ZBTB38: variants seen among roughly 807,000 people sequenced by gnomAD.
ZBTB38 encodes zinc finger and BTB domain containing 38, also known as zinc finger and BTB domain-containing protein 38.
In ZBTB38, 20 loss-of-function variants were observed where a neutral mutation model predicts 76.8. The observed-to-expected ratio is 0.26, with a 90% CI of 0.18 to 0.38. ZBTB38 has a LOEUF of 0.38. ZBTB38 is among the 10% of genes least tolerant of loss of function. ZBTB38 has a pLI of 1.00. For synonymous variants in ZBTB38, 504 were observed against 544.2 expected (o/e 0.93, Z 1.03); for missense variants, 1,082 against 1,482.3 (o/e 0.73, Z 4.43).
At chr3:141,325,002 A>G (rs1415988687) in intron 1 of ZBTB38, among the ~76,000 whole-genome samples, 3 of 152,270 alleles carry the variant, frequency 2.0e-5, no homozygotes, top group South Asian at 2.1e-4. Flanking sequence ...CTGTAACATT[A>G]ACAGCCGTTT....
chr3:141,344,546 T>G (rs1943287304), intron 1 of ZBTB38, among the ~76,000 whole-genome samples: 1 of 152,172 alleles, frequency 6.6e-6, no homozygotes, highest in African/African-American at 2.4e-5. Flanking sequence ...TTTTTTGTTT[T>G]TATTTTTTGT....
intron 1 of ZBTB38, among the ~76,000 whole-genome samples, chr3:141,352,319 G>T (rs1943540619): frequency 6.6e-6 from 1 of 152,008 alleles, no homozygotes; most frequent in Non-Finnish European, 1.5e-5. Flanking sequence ...TCCTTCTGGG[G>T]TTACACAAAT....
chr3:141,432,363 T>C, intron 5 of ZBTB38: 2 of 842,668 alleles, frequency 2.4e-6, no homozygotes, highest in South Asian at 5.4e-5. Context: ...CTGTTGTTAT[T>C]ATGTACGTTA....
intron 5 of ZBTB38, among the ~76,000 whole-genome samples, chr3:141,407,296 C>T (rs1954883821): frequency 6.6e-6 from 1 of 152,198 alleles, no homozygotes; most frequent in African/African-American, 2.4e-5. Flanking sequence ...AATCTAGTTT[C>T]ACAACCTAGC....
At chr3:141,332,353 C>T (rs1942880598) in intron 1 of ZBTB38, among the ~76,000 whole-genome samples, 1 of 152,168 alleles carries the variant, frequency 6.6e-6, no homozygotes, top group Non-Finnish European at 1.5e-5. Flanking sequence ...CTTGTCTACA[C>T]ACCCCTTCTC....
intron 1 of ZBTB38, among the ~76,000 whole-genome samples, chr3:141,329,532 C>A (rs934997525): frequency 1.3e-5 from 2 of 152,110 alleles, no homozygotes; most frequent in East Asian, 3.8e-4. Flanking sequence ...TTAATTTTAA[C>A]AATCAACGTA....
chr3:141,388,656 A>G (rs1947873701), intron 4 of ZBTB38: 1 of 152,256 alleles, frequency 6.6e-6, no homozygotes, highest in South Asian at 2.1e-4. Context: ...TAAACATGTA[A>G]TAACAGATAT....
intron 5 of ZBTB38, among the ~76,000 whole-genome samples, chr3:141,440,605 G>C (rs1045372803): frequency 3.9e-5 from 6 of 152,218 alleles, no homozygotes; most frequent in Non-Finnish European, 7.3e-5. Flanking sequence ...GAGACTGGAT[G>C]AATCTCTGGT....
intron 4 of ZBTB38, among the ~76,000 whole-genome samples, chr3:141,400,700 G>A (rs779788049): frequency 7.2e-5 from 11 of 152,188 alleles, no homozygotes; most frequent in Non-Finnish European, 1.6e-4. Context: ...CAATCATAGC[G>A]TGCTTACATA....
chr3:141,434,474 A>G (rs2078297270), intron 5 of ZBTB38, among the ~76,000 whole-genome samples: 1 of 152,100 alleles, frequency 6.6e-6, no homozygotes, highest in Non-Finnish European at 1.5e-5. Context: ...ACCTTAATGC[A>G]TATCTGTGCT....
At chr3:141,437,055 A>G (rs2078976913) in intron 5 of ZBTB38, among the ~76,000 whole-genome samples, 2 of 152,182 alleles carry the variant, frequency 1.3e-5, no homozygotes, top group South Asian at 2.1e-4. Flanking sequence ...GACAGTTTTG[A>G]CGATACTTGG....
At chr3:141,354,307 A>T (rs2148941200) in intron 1 of ZBTB38, among the ~76,000 whole-genome samples, 1 of 152,226 alleles carries the variant, frequency 6.6e-6, no homozygotes, top group African/African-American at 2.4e-5. Context: ...CCAGCTGCCC[A>T]GTGTCTGAAA....
rs1475285059 is a variant in ZBTB38 at position 141,444,821 on chromosome 3, A to G, written c.2433A>G (p.Glu811=). 2.5e-6 allele frequency: 4 copies of G among 1,614,162 alleles called. No individual in the cohort carries two copies. The East Asian group carries it at 8.9e-5, about 36-fold the overall frequency. ...SLSKTTNIAE[E]TSKIETYIAK... ...GCAAAACCACAAATATTGCTGAAGA[A>G]ACCAGCAAAATTGAAACCTACATTG... The change falls in exon 6 of 6, where the codon GAA becomes GAG. Residue 811 remains glutamate (E), a synonymous_variant. Coordinates refer to ENST00000321464, the MANE Select transcript of ZBTB38 (RefSeq NM_001376113.1). This position sits in a 1 kb window ranked among gnomAD's most constrained non-coding sequence, Gnocchi z 5.1.
rs748728943 is a variant in ZBTB38 at position 141,443,457 on chromosome 3, C to T, written c.1069C>T (p.Leu357Phe). 1.9e-6 allele frequency: 3 copies of T among 1,614,240 alleles called. No homozygotes were observed. The highest frequency in any genetic ancestry group is 2.5e-6 in the Non-Finnish European group (3 of 1,180,040). Residue 357 changes from leucine (L) to phenylalanine (F), a missense_variant, in exon 6 of 6, where the codon CTC becomes TTC. Around this residue, in one of 8 missense-constraint regions of ZBTB38, gnomAD observed 324 missense variants for 359.1 expected, o/e 0.90. Coordinates refer to ENST00000321464, the MANE Select transcript of ZBTB38 (RefSeq NM_001376113.1). The surrounding 1 kb of genome is among the most constrained non-coding windows in gnomAD (Gnocchi z 5.6). ...CSKAFDSSTLLSAHMQLHKPT... is the reference protein window; with the variant it reads ...CSKAFDSSTLFSAHMQLHKPT... ...CAAAGCCTTTGACAGCAGCACTCTG[C>T]TCAGTGCCCACATGCAGCTTCACAA...
At chr3:141,428,516 G>T (rs756652954) in intron 5 of ZBTB38, among the ~76,000 whole-genome samples, 4 of 152,012 alleles carry the variant, frequency 2.6e-5, no homozygotes, top group Non-Finnish European at 5.9e-5. Flanking sequence ...ACGGAGTTTT[G>T]CTCTGTTGTC....
At chr3:141,406,929 T>G (rs1954716578) in intron 5 of ZBTB38, among the ~76,000 whole-genome samples, 1 of 152,180 alleles carries the variant, frequency 6.6e-6, no homozygotes, top group African/African-American at 2.4e-5. Flanking sequence ...TGATGAATAT[T>G]AAGTGGTTTA....
intron 5 of ZBTB38, among the ~76,000 whole-genome samples, chr3:141,412,946 C>T (rs1957150537): frequency 1.3e-5 from 2 of 152,176 alleles, no homozygotes; most frequent in Non-Finnish European, 2.9e-5. Context: ...CTCTGCCAAG[C>T]GCCTGCGTCT....
At chr3:141,377,124 T>C (rs756886768) in intron 2 of ZBTB38, among the ~76,000 whole-genome samples, 1 of 152,264 alleles carries the variant, frequency 6.6e-6, no homozygotes, top group Non-Finnish European at 1.5e-5. Context: ...GTATCAAGTC[T>C]TCCTGCTGGG....
At chr3:141,355,022 A>T (rs1943620867) in intron 1 of ZBTB38, among the ~76,000 whole-genome samples, 1 of 152,022 alleles carries the variant, frequency 6.6e-6, no homozygotes, top group South Asian at 2.1e-4. Context: ...AAATTAATAT[A>T]TGCACACATT....
Sources: allele counts gnomAD v4.1 joint callset (sites outside exome capture counted in the v4.1 genomes callset), GRCh38; gene constraint gnomAD v4.1.1; regional missense constraint gnomAD v4.1.1; non-coding constraint Gnocchi (gnomAD v3.1); transcripts MANE v1.5; gene names NCBI Gene and HGNC (gene_info 2026-07-23, HGNC 2026-07-21).